SDK1: variants seen among roughly 807,000 people sequenced by gnomAD.
SDK1 encodes the protein protein sidekick-1.
Under a neutral mutation model 245.5 loss-of-function variants are expected in SDK1, and 157 were observed. The ratio of observed to expected loss-of-function variants is 0.64; its 90% confidence interval spans 0.56 to 0.73. SDK1 has a LOEUF of 0.73. SDK1 is among the 30% of genes least tolerant of loss of function. SDK1 has a pLI of 0.00. For synonymous variants in SDK1, 1,647 were observed against 1,278.5 expected, an observed-to-expected ratio of 1.29 and a Z score of -6.15; for missense variants, 3,583 against 3,002.3, an observed-to-expected ratio of 1.19 and a Z score of -4.52.
rs146096463 is a variant in SDK1, at chr7:3,952,354, G to A, written c.1150+434G>A. 8.2e-3 allele frequency among the ~76,000 whole-genome samples: 1,254 copies of A among 152,274 alleles called. 56 individuals are homozygous for A. In the East Asian group the frequency reaches 0.13, roughly 16 times the overall value. On this transcript the variant is annotated intron_variant, in intron 7 of 44. Transcript: ENST00000404826. ...AGCACTTTGGGAGGCCAAGGTGGGCGGATCACTTGAGGCCAGGAGTTCGAG... is the reference window on the plus strand; with the variant it reads ...AGCACTTTGGGAGGCCAAGGTGGGCAGATCACTTGAGGCCAGGAGTTCGAG...
intron 1 of SDK1, among the ~76,000 whole-genome samples, chr7:3,359,949 T>C (rs535836397): frequency 1.3e-5 from 2 of 152,324 alleles, no homozygotes; most frequent in Admixed American, 1.3e-4. Context: ...GGAGTTACTT[T>C]ATTTACAGCA....
At chr7:3,847,659 G>T (rs1044351741) in intron 5 of SDK1, among the ~76,000 whole-genome samples, 1 of 152,156 alleles carries the variant, frequency 6.6e-6, no homozygotes, top group African/African-American at 2.4e-5. Flanking sequence ...TATCCTAAAG[G>T]AATTTTTGAA....
chr7:4,244,102 G>T (rs762260568), intron 43 of SDK1, among the ~76,000 whole-genome samples: 1 of 152,162 alleles, frequency 6.6e-6, no homozygotes, highest in Non-Finnish European at 1.5e-5. Context: ...CACCCTGGGG[G>T]AGACAACACC....
intron 1 of SDK1, among the ~76,000 whole-genome samples, chr7:3,394,559 AG>A (rs1474772260): frequency 6.6e-6 from 1 of 152,098 alleles, no homozygotes; most frequent in Non-Finnish European, 1.5e-5. Flanking sequence ...TGTGGGAATA[AG>A]CCTCCTGGAA....
chr7:3,892,876 T>C (rs73294631), intron 5 of SDK1, among the ~76,000 whole-genome samples: 4,083 of 152,236 alleles, frequency 0.027, 169 homozygotes, highest in African/African-American at 0.088. Flanking sequence ...TCCTCTTCAA[T>C]ATTAACCAAG....
chr7:3,893,708 A>C (rs1023328764), intron 5 of SDK1, among the ~76,000 whole-genome samples: 6 of 150,810 alleles, frequency 4.0e-5, no homozygotes, highest in Non-Finnish European at 8.8e-5. Context: ...GGCATTCTAG[A>C]TGTCTCCACA....
At chr7:3,629,901 G>C (rs766407462) in intron 2 of SDK1, among the ~76,000 whole-genome samples, 1 of 152,106 alleles carries the variant, frequency 6.6e-6, no homozygotes, top group East Asian at 1.9e-4. Context: ...TAATGAAACA[G>C]TTATAACTGT....
rs79657171 is a variant in SDK1 at position 3,657,280 on chromosome 7, G to A, written c.713+15175G>A. On this transcript the variant is annotated intron_variant, in intron 4 of 44. Transcript: ENST00000404826. Reference sequence around the variant, plus strand: ...AAGACAGGGCAAAACATGCTAAACAGATGAGAGGCAGACAGCTGCAGCTGT... The same window carrying A: ...AAGACAGGGCAAAACATGCTAAACAAATGAGAGGCAGACAGCTGCAGCTGT... Among the ~76,000 whole-genome samples, 649 of 152,282 alleles carry A rather than the reference G, an allele frequency of 4.3e-3. 12 individuals carry two copies. The highest frequency in any genetic ancestry group is 0.015 in the African/African-American group (632 of 41,560).
At chr7:3,402,605 G>C (rs1778919784) in intron 1 of SDK1, among the ~76,000 whole-genome samples, 1 of 152,206 alleles carries the variant, frequency 6.6e-6, no homozygotes, top group African/African-American at 2.4e-5. Flanking sequence ...GTGAAAGGCA[G>C]AGAATTTCAA....
chr7:3,423,952 C>T (rs1334154510), intron 1 of SDK1, among the ~76,000 whole-genome samples: 1 of 150,460 alleles, frequency 6.6e-6, no homozygotes, highest in Admixed American at 6.6e-5. Flanking sequence ...GTCTCTATTG[C>T]CCAGGCTGGA....
intron 19 of SDK1, among the ~76,000 whole-genome samples, chr7:4,063,375 A>G (rs1392792908): frequency 2.0e-5 from 3 of 152,198 alleles, no homozygotes; most frequent in Non-Finnish European, 2.9e-5. Flanking sequence ...AAACATATCT[A>G]GGAATTAATT....
At chr7:4,248,226 CTGCATACACACA>C (rs1463229031) in intron 44 of SDK1, among the ~76,000 whole-genome samples, 4 of 151,346 alleles carry the variant, frequency 2.6e-5, no homozygotes, top group Non-Finnish European at 5.9e-5. Flanking sequence ...ATGCACACAC[CTGCATACACACA>C]TGCATACCTA....
At chr7:3,971,658 A>C (rs1782496924) in intron 12 of SDK1, 90 bp downstream of exon 12, 2 of 970,882 alleles carry the variant, frequency 2.1e-6, no homozygotes, top group South Asian at 2.8e-5. Flanking sequence ...GAATTGGGGG[A>C]ACTTTTGATT....
chr7:3,415,055 G>A (rs1306150990), intron 1 of SDK1, among the ~76,000 whole-genome samples: 2 of 152,074 alleles, frequency 1.3e-5, no homozygotes, highest in African/African-American at 4.8e-5. Context: ...TTTTTTTGTG[G>A]ACACATTTTC....
intron 17 of SDK1, among the ~76,000 whole-genome samples, chr7:4,039,370 T>C (rs961081645): frequency 2.0e-5 from 3 of 152,070 alleles, no homozygotes; most frequent in African/African-American, 7.2e-5. Context: ...ATTAAAAATA[T>C]CAACCTAAGT....
At chr7:3,908,575 C>G (rs562349864) in intron 5 of SDK1, among the ~76,000 whole-genome samples, 1 of 152,056 alleles carries the variant, frequency 6.6e-6, no homozygotes, top group Non-Finnish European at 1.5e-5. Flanking sequence ...CTGGTACAGC[C>G]ACCATTCATC....
In SDK1 at chr7:3,527,516, A is replaced by T. The variant is rs371396242; in HGVS notation, c.299-91564A>T. 2.6e-5 allele frequency among the ~76,000 whole-genome samples: 4 copies of T among 152,230 alleles called. 1 individual carries two copies. In the East Asian group the frequency reaches 5.8e-4, roughly 22 times the overall value. ...GCTGGAGTGTCTCAGGGCCAGCAAG[A>T]AGGTCAGAGTGCCTGGATGATAGTT... On this transcript the variant is annotated intron_variant, in intron 1 of 44. Transcript: ENST00000404826.
intron 1 of SDK1, among the ~76,000 whole-genome samples, chr7:3,536,909 G>A (rs1363588143): frequency 1.3e-5 from 2 of 152,048 alleles, no homozygotes; most frequent in Non-Finnish European, 2.9e-5. Context: ...TTGTTTAGTT[G>A]AATTATAAAA....
At position 3,638,324 on chromosome 7, in the gene SDK1, C is replaced by G. The variant is rs192401196; in HGVS notation, c.459-680C>G. 2.1e-3 allele frequency among the ~76,000 whole-genome samples: 313 copies of G among 152,264 alleles called. 4 individuals carry two copies. The highest frequency in any genetic ancestry group is 7.4e-3 in the African/African-American group (308 of 41,546). On this transcript the variant is annotated intron_variant, in intron 2 of 44. Coordinates refer to ENST00000404826, the MANE Select transcript of SDK1 (RefSeq NM_152744.4). The stretch of plus-strand genomic sequence containing the variant: ...ATTATAAATCATGCTGCTATAAAGA[C>G]ACGTGCACACGTATGTTTATTGTGG...
Sources: gnomAD v4.1 joint callset for allele counts (sites outside exome capture counted in the v4.1 genomes callset) on GRCh38, gnomAD v4.1.1 for gene constraint, MANE v1.5 for transcripts, NCBI Gene and HGNC (gene_info 2026-07-23, HGNC 2026-07-21) for gene names.